Variants in L3MBTL4 observed in about 807,000 individuals in gnomAD.
The protein encoded by L3MBTL4 is L3MBTL histone methyl-lysine binding protein 4, also known as lethal(3)malignant brain tumor-like protein 4.
L3MBTL4 carries 70 observed loss-of-function variants against 84.5 expected under a neutral mutation model. The observed-to-expected ratio is 0.83, with a 90% CI of 0.68 to 1.01. The LOEUF (loss-of-function observed/expected upper bound fraction) is 1.01. Ranked by LOEUF, L3MBTL4 falls within the 50% of genes least tolerant of loss-of-function variation. The pLI is 0.00. For synonymous variants in L3MBTL4, 274 were observed against 259.8 expected (o/e 1.05, Z -0.52); for missense variants, 715 against 754.8 (o/e 0.95, Z 0.62).
At chr18:6,019,350 G>C (rs1392465008) in intron 16 of L3MBTL4, among the ~76,000 whole-genome samples, 2 of 152,078 alleles carry the variant, frequency 1.3e-5, no homozygotes, top group Non-Finnish European at 2.9e-5. Context: ...CTGTCCCCTT[G>C]GTTCTCAATA....
intron 16 of L3MBTL4, among the ~76,000 whole-genome samples, chr18:6,080,606 C>T (rs551265298): frequency 2.2e-4 from 34 of 152,352 alleles, no homozygotes; most frequent in African/African-American, 8.2e-4. Flanking sequence ...GAACCTCTAA[C>T]TTCTGTTGGT....
intron 1 of L3MBTL4, among the ~76,000 whole-genome samples, chr18:6,377,077 G>A (rs1329107612): frequency 6.6e-6 from 1 of 152,124 alleles, no homozygotes; most frequent in East Asian, 1.9e-4. Context: ...AGAGGAAGTG[G>A]ATTTCTCTGA....
chr18:6,206,169 C>T (rs987266010), intron 12 of L3MBTL4, among the ~76,000 whole-genome samples: 1 of 152,136 alleles, frequency 6.6e-6, no homozygotes, highest in African/African-American at 2.4e-5. Flanking sequence ...AAAATAAGGT[C>T]CTTACTCAAA....
rs534678782 is a variant in L3MBTL4 at position 5,966,909 on chromosome 18, C to A, written c.1614+2484G>T. ...TTTTTCTTCTTCTATGTCTGATCTA[C>A]CTCCCTGTGCTACTGCCTGTGCCTT... On this transcript the variant is annotated intron_variant, in intron 17 of 18. Transcript: ENST00000317931. Among the ~76,000 whole-genome samples, 20 of 152,312 alleles carry A rather than the reference C, an allele frequency of 1.3e-4. No homozygotes were observed. In the South Asian group the frequency reaches 4.1e-3, roughly 32 times the overall value.
intron 10 of L3MBTL4, among the ~76,000 whole-genome samples, chr18:6,220,981 G>A (rs192836001): frequency 1.8e-4 from 27 of 152,204 alleles, no homozygotes; most frequent in Admixed American, 1.6e-3. Context: ...AGAAAAAGCC[G>A]TCTGATCTGT....
At chr18:6,031,778 T>C in intron 16 of L3MBTL4, 4 of 984,178 alleles carry the variant, frequency 4.1e-6, no homozygotes, top group Non-Finnish European at 4.8e-6. Context: ...CTATCTGCAG[T>C]CATCTGGTGA....
intron 15 of L3MBTL4, among the ~76,000 whole-genome samples, chr18:6,084,356 C>T (rs908074898): frequency 8.5e-5 from 13 of 152,060 alleles, no homozygotes; most frequent in African/African-American, 2.7e-4. Context: ...GCTGGCCACA[C>T]CTAAAATATT....
At chr18:5,987,103 G>A (rs1400345303) in intron 16 of L3MBTL4, among the ~76,000 whole-genome samples, 2 of 152,286 alleles carry the variant, frequency 1.3e-5, no homozygotes, top group Non-Finnish European at 2.9e-5. Flanking sequence ...AGCCTCAGGC[G>A]ACCAAGCCTA....
At chr18:6,219,489 C>T (rs971151881) in intron 10 of L3MBTL4, among the ~76,000 whole-genome samples, 2 of 141,084 alleles carry the variant, frequency 1.4e-5, no homozygotes, top group African/African-American at 2.6e-5. Flanking sequence ...ACAGCTTGGA[C>T]CTCATTCTTT....
chr18:6,349,934 T>C (rs1219343741), intron 1 of L3MBTL4, among the ~76,000 whole-genome samples: 1 of 152,076 alleles, frequency 6.6e-6, no homozygotes, highest in East Asian at 1.9e-4. Context: ...ATAAAAAAAA[T>C]AAATAAAATC....
chr18:6,165,316 A>T (rs1357243734), intron 13 of L3MBTL4, among the ~76,000 whole-genome samples: 1 of 152,200 alleles, frequency 6.6e-6, no homozygotes, highest in African/African-American at 2.4e-5. Context: ...ATTCAAATTC[A>T]GGAAATACAG....
intron 16 of L3MBTL4, among the ~76,000 whole-genome samples, chr18:6,006,428 A>T (rs1434503898): frequency 6.6e-6 from 1 of 152,240 alleles, no homozygotes; most frequent in Admixed American, 6.5e-5. Context: ...AGAAGTACAC[A>T]GAAATTTAAT....
chr18:6,227,472 A>G (rs1171551475), intron 10 of L3MBTL4, among the ~76,000 whole-genome samples: 1 of 152,206 alleles, frequency 6.6e-6, no homozygotes, highest in Non-Finnish European at 1.5e-5. Context: ...AATTGAATTC[A>G]TAGCTAAAAC....
At chr18:6,214,466 A>C (rs559269580) in intron 11 of L3MBTL4, among the ~76,000 whole-genome samples, 3 of 152,246 alleles carry the variant, frequency 2.0e-5, no homozygotes, top group Non-Finnish European at 4.4e-5. Flanking sequence ...ATTACACATA[A>C]AAGTGTTCAA....
intron 16 of L3MBTL4, among the ~76,000 whole-genome samples, chr18:5,998,481 T>A (rs1339481731): frequency 6.6e-6 from 1 of 152,154 alleles, no homozygotes; most frequent in Non-Finnish European, 1.5e-5. Context: ...GGCTGTCTGC[T>A]TGCTCAGGCT....
At chr18:6,118,316 G>A (rs1244681969) in intron 14 of L3MBTL4, among the ~76,000 whole-genome samples, 1 of 151,586 alleles carries the variant, frequency 6.6e-6, no homozygotes, top group Admixed American at 6.6e-5. Context: ...CATCCTTCAG[G>A]ACTCATCAAA....
At chr18:6,042,054 A>G (rs1262066437) in intron 16 of L3MBTL4, among the ~76,000 whole-genome samples, 1 of 152,024 alleles carries the variant, frequency 6.6e-6, no homozygotes, top group African/African-American at 2.4e-5. Flanking sequence ...CGCTTCCTTC[A>G]ATATTCCCAT....
chr18:6,060,391 C>CT lies in L3MBTL4; in HGVS notation c.1444+20489dup, dbSNP rs1334761946. 2.7e-3 allele frequency among the ~76,000 whole-genome samples: 390 copies of CT among 144,104 alleles called. 2 individuals carry two copies. The highest frequency in any genetic ancestry group is 6.5e-3 in the African/African-American group (259 of 39,556). 94.5% of individuals were successfully genotyped at this position (144,104 alleles called of 152,430 possible). ...GAAGATACGAAGTACTCGCAATCAGCTTTTTTTTTTTTCTTTTTAAAATTG... is the reference window on the plus strand; with the variant it reads ...GAAGATACGAAGTACTCGCAATCAGCTTTTTTTTTTTTTCTTTTTAAAATTG... On this transcript the variant is annotated intron_variant, in intron 16 of 18. Coordinates refer to ENST00000317931, the MANE Select transcript of L3MBTL4 (RefSeq NM_001330559.2).
At chr18:6,319,876 T>A (rs1018892355) in intron 1 of L3MBTL4, among the ~76,000 whole-genome samples, 12 of 152,030 alleles carry the variant, frequency 7.9e-5, no homozygotes, top group African/African-American at 2.9e-4. Flanking sequence ...CTGATGAACA[T>A]AGATGCAAAA....
Sources: allele counts gnomAD v4.1 joint callset (sites outside exome capture counted in the v4.1 genomes callset), GRCh38; gene constraint gnomAD v4.1.1; transcripts MANE v1.5; gene names NCBI Gene and HGNC (gene_info 2026-07-23, HGNC 2026-07-21).